PCDH11X: variants seen among roughly 807,000 people sequenced by gnomAD.
The protein encoded by PCDH11X is protocadherin 11 X-linked.
In PCDH11X, 18 loss-of-function variants were observed where a neutral mutation model predicts 53.3. The observed-to-expected ratio is 0.34, with a 90% confidence interval of 0.23 to 0.50. The LOEUF is 0.50. PCDH11X is among the 20% of genes least tolerant of loss of function. The pLI is 0.98. For synonymous variants in PCDH11X, 279 were observed against 393.3 expected, an observed-to-expected ratio of 0.71 and a Z score of 3.44; for missense variants, 570 against 1,032.4, an observed-to-expected ratio of 0.55 and a Z score of 6.14.
intron 6 of PCDH11X, among the ~76,000 whole-genome samples, chrX:91,990,530 A>G (rs778352089): frequency 3.8e-4 from 42 of 111,723 alleles, no homozygotes; most frequent in African/African-American, 1.3e-3. Context: ...GTGATTTTCA[A>G]TTGAAATCTG....
chrX:92,501,097 C>T (rs1297504314), intron 10 of PCDH11X, among the ~76,000 whole-genome samples: 1 of 107,682 alleles, frequency 9.3e-6, no homozygotes, highest in Non-Finnish European at 1.9e-5. Context: ...ATTGTAAATC[C>T]CTCTATACAC....
At chrX:91,955,440 G>A (rs2525357) in intron 6 of PCDH11X, among the ~76,000 whole-genome samples, 21 of 110,422 alleles carry the variant, frequency 1.9e-4, no homozygotes, top group East Asian at 2.9e-4. Context: ...TCCCTTTGGC[G>A]GTGTCCCAGA....
intron 7 of PCDH11X, among the ~76,000 whole-genome samples, chrX:92,231,596 G>A (rs1202114139): frequency 9.0e-6 from 1 of 111,671 alleles, no homozygotes; most frequent in Non-Finnish European, 1.9e-5. Flanking sequence ...GACCTACAGG[G>A]CCTTTAATAT....
At chrX:92,297,817 T>A (rs1246209191) in intron 8 of PCDH11X, among the ~76,000 whole-genome samples, 1 of 109,126 alleles carries the variant, frequency 9.2e-6, no homozygotes, top group Admixed American at 9.9e-5. Context: ...ATCTCTAATT[T>A]CTCTGAGCAC....
chrX:92,509,428 C>T (rs1337464449), intron 10 of PCDH11X, among the ~76,000 whole-genome samples: 1 of 109,438 alleles, frequency 9.1e-6, no homozygotes, highest in African/African-American at 3.3e-5. Context: ...AGGATAAAAA[C>T]ATCACATAAA....
At chrX:92,095,957 G>A (rs991558594) in intron 6 of PCDH11X, among the ~76,000 whole-genome samples, 3 of 111,752 alleles carry the variant, frequency 2.7e-5, no homozygotes, top group Non-Finnish European at 5.6e-5. Flanking sequence ...CAATCATCAT[G>A]CATTTTTTCT....
intron 5 of PCDH11X, among the ~76,000 whole-genome samples, chrX:91,844,785 A>C (rs1027728850): frequency 2.9e-4 from 31 of 106,811 alleles, no homozygotes; most frequent in Non-Finnish European, 1.5e-4. Context: ...TGAGGACAAG[A>C]GTTGTTTAGA....
chrX:91,896,217 T>G, intron 6 of PCDH11X, among the ~76,000 whole-genome samples: 2 of 110,316 alleles, frequency 1.8e-5, no homozygotes, highest in Non-Finnish European at 3.8e-5. Flanking sequence ...GTAAACCTCC[T>G]GTGCTCAGGT....
chrX:92,434,136 T>G (rs1412855362), intron 9 of PCDH11X, among the ~76,000 whole-genome samples: 1 of 111,354 alleles, frequency 9.0e-6, no homozygotes, highest in African/African-American at 3.3e-5. Context: ...ATCATCTATC[T>G]ATCTATCTAT....
At chrX:92,034,614 T>C (rs2063101546) in intron 6 of PCDH11X, among the ~76,000 whole-genome samples, 1 of 109,277 alleles carries the variant, frequency 9.2e-6, no homozygotes, top group Non-Finnish European at 1.9e-5. Context: ...ATTTTGTAAA[T>C]TTTCAGTCTG....
chrX:92,160,582 A>G (rs1342855150), intron 6 of PCDH11X, among the ~76,000 whole-genome samples: 3 of 106,518 alleles, frequency 2.8e-5, no homozygotes, highest in Non-Finnish European at 3.9e-5. Flanking sequence ...GGCTGGTTCC[A>G]TATTTTTGCA....
intron 6 of PCDH11X, among the ~76,000 whole-genome samples, chrX:91,927,110 A>G (rs1369318661): frequency 9.1e-6 from 1 of 109,645 alleles, no homozygotes; most frequent in Non-Finnish European, 1.9e-5. Context: ...CACTATCTAA[A>G]TAATCTAGAT....
intron 8 of PCDH11X, among the ~76,000 whole-genome samples, chrX:92,295,129 T>G (rs766414167): frequency 9.4e-6 from 1 of 105,950 alleles, no homozygotes; most frequent in South Asian, 4.4e-4. Context: ...AATAGTAACT[T>G]AAATTTTGCA....
At chrX:91,984,221 C>A (rs1171188185) in intron 6 of PCDH11X, among the ~76,000 whole-genome samples, 3 of 100,341 alleles carry the variant, frequency 3.0e-5, no homozygotes, top group Admixed American at 1.1e-4. Context: ...TCATATCACT[C>A]CGGAGGTTTT....
chrX:91,917,271 T>G (rs1941595531), intron 6 of PCDH11X, among the ~76,000 whole-genome samples: 1 of 106,463 alleles, frequency 9.4e-6, no homozygotes, highest in African/African-American at 3.4e-5. Flanking sequence ...ATGTCCAGTT[T>G]TACCACTTCT....
intron 6 of PCDH11X, among the ~76,000 whole-genome samples, chrX:92,158,513 A>T (rs760739159): frequency 9.0e-5 from 10 of 111,019 alleles, no homozygotes; most frequent in African/African-American, 2.9e-4. Flanking sequence ...CTGTCTCAAA[A>T]AAAAGAAAAA....
chrX:92,095,704 C>A (rs4022207), intron 6 of PCDH11X, among the ~76,000 whole-genome samples: 1 of 111,846 alleles, frequency 8.9e-6, no homozygotes, highest in Non-Finnish European at 1.9e-5. Flanking sequence ...AAAATATACG[C>A]CATTTAAACC....
intron 7 of PCDH11X, among the ~76,000 whole-genome samples, chrX:92,207,850 A>G (rs1407527623): frequency 8.9e-6 from 1 of 111,882 alleles, no homozygotes; most frequent in African/African-American, 3.2e-5. Flanking sequence ...AAATAAAGAC[A>G]TTAGAAAGAA....
At chrX:92,132,651 A>ATGTATATATATATG (rs1213584222) in intron 6 of PCDH11X, among the ~76,000 whole-genome samples, 1,117 of 56,595 alleles carry the variant, frequency 0.02, 21 homozygotes, top group African/African-American at 0.077. Context: ...ATATATATAT[A>ATGTATATATATATG]TATATGTATA....
Sources: gnomAD v4.1 joint callset for allele counts (sites outside exome capture counted in the v4.1 genomes callset) on GRCh38, gnomAD v4.1.1 for gene constraint, MANE v1.5 for transcripts, NCBI Gene and HGNC (gene_info 2026-07-23, HGNC 2026-07-21) for gene names.